The following VWCE variants were observed in gnomAD, a reference collection of about 807,000 sequenced individuals.
VWCE encodes the protein von Willebrand factor C and EGF domains, also known as von Willebrand factor C and EGF domain-containing protein.
A neutral mutation model predicts 102.9 loss-of-function variants in VWCE; 68 were observed. That is an observed-to-expected ratio of 0.66 (90% CI 0.54 to 0.81). VWCE has a LOEUF of 0.81. Ranked by LOEUF, VWCE falls within the 30% of genes least tolerant of loss-of-function variation. VWCE has a pLI of 0.00. For missense variants in VWCE, 1,137 were observed against 1,263.6 expected (o/e 0.90, Z 1.52); for synonymous variants, 497 against 515.4 (o/e 0.96, Z 0.48).
chr11:61,290,833 C>T lies in VWCE; in HGVS notation c.390G>A (p.Ser130=), dbSNP rs1431177061. Residue 130 remains serine, a synonymous_variant, in exon 4 of 20, where the codon TCG becomes TCA. Coordinates refer to ENST00000335613, the MANE Select transcript of VWCE (RefSeq NM_152718.2). ...EVARVCPVGF[S]MTETAVGIRC... ...TGATGCCAACAGCTGTCTCCGTCATCGAGAAGCCCACGGGGCACACTCGGG... is the reference window on the plus strand; with the variant it reads ...TGATGCCAACAGCTGTCTCCGTCATTGAGAAGCCCACGGGGCACACTCGGG... 4 of 1,612,468 alleles carry T rather than the reference C, an allele frequency of 2.5e-6. No individual in the cohort carries two copies. Among genetic ancestry groups the T allele is most frequent in the African/African-American group, 1.3e-5 (1 of 74,734 alleles).
intron 4 of VWCE, among the ~76,000 whole-genome samples, chr11:61,286,854 T>C (rs1034157630): frequency 1.4e-4 from 21 of 149,956 alleles, no homozygotes; most frequent in East Asian, 6.0e-4. Context: ...TCCCAGCTCA[T>C]TGGGAGGCTG....
At chr11:61,292,162 G>A (rs1019559740) in intron 1 of VWCE, among the ~76,000 whole-genome samples, 17 of 151,924 alleles carry the variant, frequency 1.1e-4, no homozygotes, top group Non-Finnish European at 1.9e-4. Context: ...GGCAGAGGTT[G>A]CAGCGAGCCA....
rs1161573098 is a variant in VWCE, at chr11:61,295,259, C to A, written c.-222G>T. On this transcript the variant is annotated 5_prime_UTR_variant, in exon 1 of 20. Coordinates refer to ENST00000335613, the MANE Select transcript of VWCE (RefSeq NM_152718.2). The surrounding 1 kb of genome is among the most constrained non-coding windows in gnomAD (Gnocchi z 4.6). ...ATTGTGGGGAGGGTCTCTGGCACCTCGAAGCGAAACACACAAAGGCAACGC... is the reference window on the plus strand; with the variant it reads ...ATTGTGGGGAGGGTCTCTGGCACCTAGAAGCGAAACACACAAAGGCAACGC... 6 of 370,814 alleles carry A rather than the reference C, an allele frequency of 1.6e-5. No homozygotes were observed. The Admixed American group carries it at 2.8e-4, about 17-fold the overall frequency. 23.0% of individuals were successfully genotyped at this position (370,814 alleles called of 1,614,324 possible).
intron 13 of VWCE, 146 bp from the exon 14 acceptor site, chr11:61,271,906 G>T: frequency 1.4e-6 from 1 of 696,664 alleles, no homozygotes. Context: ...TCATACAAAT[G>T]CACACTTACA....
In VWCE at chr11:61,282,108, G is replaced by A. The variant is rs372302297; in HGVS notation, c.659-194C>T. Among the ~76,000 whole-genome samples the A allele has an allele frequency of 2.6e-5, 4 of 152,260 alleles. No homozygotes were observed. The East Asian group carries it at 7.7e-4, about 29-fold the overall frequency. On this transcript the variant is annotated intron_variant, in intron 6 of 19. Coordinates refer to ENST00000335613, the MANE Select transcript of VWCE (RefSeq NM_152718.2). Reference sequence around the variant, plus strand: ...AATCTAGTGCTTGTCTTGTTAATAGGTTCACACATCGAGCAGGTATTTAAT... The same window carrying A: ...AATCTAGTGCTTGTCTTGTTAATAGATTCACACATCGAGCAGGTATTTAAT...
At position 61,294,297 on chromosome 11, in the gene VWCE, C is replaced by T. The variant is rs1454059124; in HGVS notation, c.110+631G>A. ...CCGGAGGACGTGGCCGCGGGCCAGG[C>T]CGCCTGCTGACACAGTGTTCCCTAG... On this transcript the variant is annotated intron_variant, in intron 1 of 19. Coordinates refer to ENST00000335613, the MANE Select transcript of VWCE (RefSeq NM_152718.2). This position sits in a 1 kb window ranked among gnomAD's most constrained non-coding sequence, Gnocchi z 6.3. 6.6e-6 allele frequency among the ~76,000 whole-genome samples: 1 copy of T among 152,196 alleles called. No individual in the cohort carries two copies. The highest frequency in any genetic ancestry group is 1.5e-5 in the Non-Finnish European group (1 of 68,020).
At chr11:61,287,200 C>T (rs1038899973) in intron 4 of VWCE, among the ~76,000 whole-genome samples, 1 of 152,218 alleles carries the variant, frequency 6.6e-6, no homozygotes, top group Admixed American at 6.5e-5. Context: ...CCTGAGCCCA[C>T]ACCAAGCCTG....
At chr11:61,278,990 G>C (rs1855025144) in intron 9 of VWCE, among the ~76,000 whole-genome samples, 1 of 151,898 alleles carries the variant, frequency 6.6e-6, no homozygotes, top group Non-Finnish European at 1.5e-5. Flanking sequence ...AGTGAGCCGA[G>C]ATCGCGCCAC....
Position 61,258,485 on chromosome 11 carries a change from T to C in VWCE, c.*190A>G, listed in dbSNP as rs1854249357. ...CAGTGGAAACGACTTCCTCCATTCT[T>C]ACAGCACATTCCAAACACTTCTTGG... On this transcript the variant is annotated 3_prime_UTR_variant, in exon 20 of 20. Coordinates refer to ENST00000335613, the MANE Select transcript of VWCE (RefSeq NM_152718.2). 2 of 532,754 alleles carry C rather than the reference T, an allele frequency of 3.8e-6. No individual in the cohort carries two copies. The highest frequency in any genetic ancestry group is 5.7e-6 in the Non-Finnish European group (2 of 350,404). The allele number at this position is 532,754 out of a possible 1,614,324, so 33.0% of individuals were successfully genotyped here.
rs1251570478 is a variant in VWCE, at chr11:61,294,604, G to A, written c.110+324C>T. 1.3e-5 allele frequency among the ~76,000 whole-genome samples: 2 copies of A among 152,174 alleles called. No individual in the cohort carries two copies. Among genetic ancestry groups the A allele is most frequent in the Non-Finnish European group, 2.9e-5 (2 of 68,032 alleles). On this transcript the variant is annotated intron_variant, in intron 1 of 19. Coordinates refer to ENST00000335613, the MANE Select transcript of VWCE (RefSeq NM_152718.2). This position sits in a 1 kb window ranked among gnomAD's most constrained non-coding sequence, Gnocchi z 6.3. The stretch of plus-strand genomic sequence containing the variant: ...CGCTGGGGGGTGAGCCAGCCAGTCC[G>A]GAGACCAGATGGCACGTCCTGGGCT...
At chr11:61,272,731 TCACA>T (rs568756728) in intron 13 of VWCE, among the ~76,000 whole-genome samples, 3 of 150,510 alleles carry the variant, frequency 2.0e-5, no homozygotes, top group African/African-American at 4.9e-5. Context: ...CGCACACTAC[TCACA>T]CACAGACACA....
chr11:61,293,935 C>A (rs949760161), intron 1 of VWCE, among the ~76,000 whole-genome samples: 2 of 152,152 alleles, frequency 1.3e-5, no homozygotes, highest in African/African-American at 2.4e-5. Flanking sequence ...TCTCATCCAC[C>A]CCCTTGCTGG....
At chr11:61,287,275 T>C (rs1326133153) in intron 4 of VWCE, among the ~76,000 whole-genome samples, 2 of 152,098 alleles carry the variant, frequency 1.3e-5, no homozygotes, top group Non-Finnish European at 2.9e-5. Flanking sequence ...GGAAGGTCAC[T>C]GGCTATGAGG....
At chr11:61,261,950 CCTCTTGGT>C (rs1854373215) in intron 19 of VWCE, among the ~76,000 whole-genome samples, 1 of 152,034 alleles carries the variant, frequency 6.6e-6, no homozygotes, top group South Asian at 2.1e-4. Flanking sequence ...CTGGAGGTTA[CCTCTTGGT>C]TTTTGTTTTT....
chr11:61,282,365 G>A (rs2134821790), intron 6 of VWCE: 1 of 190,526 alleles, frequency 5.2e-6, no homozygotes, highest in East Asian at 1.4e-4. Context: ...AAACCCATGA[G>A]CCAAGCTCAA....
chr11:61,290,935 A>G lies in VWCE; in HGVS notation c.296-8T>C, dbSNP rs753482538. 6.2e-7 allele frequency: 1 copy of G among 1,612,510 alleles called. No individual in the cohort carries two copies. The highest frequency in any genetic ancestry group is 1.1e-5 in the South Asian group (1 of 91,042). The stretch of plus-strand genomic sequence containing the variant: ...CACATGGTCCATGGGTTTCTAGAGC[A>G]GGCATCACACCAGTGAGCATGCACC... On this transcript the variant is annotated splice_region_variant and splice_polypyrimidine_tract_variant and intron_variant, in intron 3 of 19. Coordinates refer to ENST00000335613, the MANE Select transcript of VWCE (RefSeq NM_152718.2).
intron 15 of VWCE, among the ~76,000 whole-genome samples, chr11:61,268,261 T>C (rs1336290486): frequency 1.3e-5 from 2 of 152,044 alleles, no homozygotes; most frequent in Non-Finnish European, 2.9e-5. Context: ...TTTCTAAATT[T>C]TCTATAATGG....
intron 11 of VWCE, among the ~76,000 whole-genome samples, chr11:61,275,624 T>C (rs1050142256): frequency 2.0e-5 from 3 of 152,192 alleles, no homozygotes; most frequent in Non-Finnish European, 4.4e-5. Flanking sequence ...ACTTGAACTT[T>C]CCAAGCTTCA....
rs367633987 is a variant in VWCE at position 61,265,188 on chromosome 11, C to G, written c.1990G>C (p.Val664Leu). Residue 664 changes from valine (V) to leucine (L), a missense_variant, in exon 17 of 20, where the codon GTG (valine) becomes CTG (leucine). Around this residue, in one of 5 missense-constraint regions of VWCE, gnomAD observed 29 missense variants for 62.9 expected, o/e 0.46. Transcript: ENST00000335613. The stretch of plus-strand genomic sequence containing the variant: ...TAGGTACAGGTGATGGGGCAGTCCA[C>G]GGGGGAACAGGCCACTGAGCCCAGC... Reference protein sequence around the residue: ...CLLGSVACSPVDCPITCTYPF... With the variant: ...CLLGSVACSPLDCPITCTYPF... The G allele has an allele frequency of 2.0e-6, 3 of 1,505,620 alleles. No homozygotes were observed. The East Asian group carries it at 7.2e-5, about 36-fold the overall frequency. 93.3% of individuals were successfully genotyped at this position (1,505,620 alleles called of 1,614,324 possible).
Sources: allele counts gnomAD v4.1 joint callset (sites outside exome capture counted in the v4.1 genomes callset), GRCh38; gene constraint gnomAD v4.1.1; regional missense constraint gnomAD v4.1.1; non-coding constraint Gnocchi (gnomAD v3.1); transcripts MANE v1.5; gene names NCBI Gene and HGNC (gene_info 2026-07-23, HGNC 2026-07-21).